The following EMSY variants were observed in gnomAD, a reference collection of about 807,000 sequenced individuals.
EMSY encodes BRCA2-interacting transcriptional repressor EMSY.
In EMSY, 26 loss-of-function variants were observed where a neutral mutation model predicts 134.6. That is an observed-to-expected ratio of 0.19 (90% confidence interval 0.14 to 0.27). EMSY has a LOEUF of 0.27. EMSY is among the 10% of genes least tolerant of loss of function. The probability of loss-of-function intolerance (pLI) is 1.00; values close to 1 mark genes in which losing one functional copy is unlikely to be tolerated. For missense variants in EMSY, 1,305 were observed against 1,611.4 expected, an observed-to-expected ratio of 0.81 and a Z score of 3.26; for synonymous variants, 579 against 577.8, an observed-to-expected ratio of 1.00 and a Z score of -0.03.
chr11:76,507,401 C>T (rs1374366353), intron 9 of EMSY, among the ~76,000 whole-genome samples: 2 of 152,164 alleles, frequency 1.3e-5, no homozygotes, highest in Admixed American at 6.5e-5. Flanking sequence ...CAACATTTTA[C>T]CCACAGTAGA....
chr11:76,461,031 C>T (rs1310275087), intron 6 of EMSY: 2 of 152,184 alleles, frequency 1.3e-5, no homozygotes, highest in Non-Finnish European at 2.9e-5. Context: ...TAATTTGGCT[C>T]ACGATTCTGC....
intron 14 of EMSY, among the ~76,000 whole-genome samples, chr11:76,535,627 G>A (rs779272446): frequency 3.3e-5 from 5 of 152,120 alleles, no homozygotes; most frequent in Admixed American, 1.3e-4. Flanking sequence ...TATTCTGTGA[G>A]CTCCTTTATA....
intron 6 of EMSY, among the ~76,000 whole-genome samples, chr11:76,461,899 C>G (rs1021353987): frequency 2.6e-5 from 4 of 151,096 alleles, no homozygotes; most frequent in African/African-American, 9.8e-5. Context: ...GCCATGCACT[C>G]TAGCCTGGGC....
intron 14 of EMSY, among the ~76,000 whole-genome samples, chr11:76,529,420 C>G (rs934787504): frequency 6.6e-6 from 1 of 152,118 alleles, no homozygotes; most frequent in East Asian, 1.9e-4. Flanking sequence ...CTTGATTAGT[C>G]TTACATGGTT....
chr11:76,545,890 A>T (rs758097127), exon 20 of EMSY: 2 of 1,614,076 alleles, frequency 1.2e-6, no homozygotes, highest in African/African-American at 2.7e-5. Context: ...AACTGGTGGC[A>T]GTTCTGTGCC....
intron 2 of EMSY, 121 bp downstream of exon 2, chr11:76,447,129 C>A: frequency 1.1e-6 from 1 of 874,678 alleles, no homozygotes; most frequent in Non-Finnish European, 1.8e-6. Flanking sequence ...TTTGGAGATA[C>A]AGTTCCCATC....
At chr11:76,527,478 T>C (rs1771599820) in intron 13 of EMSY, among the ~76,000 whole-genome samples, 1 of 152,160 alleles carries the variant, frequency 6.6e-6, no homozygotes, top group Admixed American at 6.6e-5. Flanking sequence ...TTTAGAATCT[T>C]ATATGTGGTA....
intron 8 of EMSY, among the ~76,000 whole-genome samples, chr11:76,489,226 A>G (rs1949314572): frequency 6.6e-6 from 1 of 152,200 alleles, no homozygotes; most frequent in African/African-American, 2.4e-5. Context: ...ATTATTTAAT[A>G]AATGGTTTTA....
At chr11:76,544,238 C>T in intron 18 of EMSY, 21 bp from the exon 20 acceptor site, 1 of 1,578,278 alleles carries the variant, frequency 6.3e-7, no homozygotes, top group East Asian at 2.3e-5. Flanking sequence ...TTCATTCTTA[C>T]TTTGTGCCTT....
At position 76,543,059 on chromosome 11, in the gene EMSY, CT is replaced by C. The variant is rs543501729; in HGVS notation, c.2709+696del. ...TATCCCTCTTTTACAAGTGAGGAAA[CT>C]TTTATGCTCACTTCAGTAAGAAAGT... On this transcript the variant is annotated intron_variant, in intron 18 of 20. Coordinates refer to ENST00000334736, the Ensembl canonical transcript of EMSY. 5.3e-5 allele frequency among the ~76,000 whole-genome samples: 8 copies of C among 152,230 alleles called. No homozygotes were observed. The South Asian group carries it at 1.7e-3, about 32-fold the overall frequency.
At position 76,524,397 on chromosome 11, in the gene EMSY, T is replaced by G. The variant is rs73495408; in HGVS notation, c.1821+1106T>G. Among the ~76,000 whole-genome samples, 758 of 152,306 alleles carry G rather than the reference T, an allele frequency of 5.0e-3. 3 individuals are homozygous for G. The highest frequency in any genetic ancestry group is 0.017 in the African/African-American group (720 of 41,566). ...TTGCCTAACTTCACTAGAACATGGA[T>G]TGCTATACTTCACTTAAATAGATCT... is the stretch of plus-strand genomic sequence containing the variant. On this transcript the variant is annotated intron_variant, in intron 12 of 20. Transcript: ENST00000334736.
chr11:76,496,495 T>TCA lies in EMSY; in HGVS notation c.1363+26_1363+27insCA, dbSNP rs761460444. 1.1e-5 allele frequency: 18 copies of TCA among 1,611,098 alleles called. No homozygotes were observed. The Admixed American group carries it at 3.0e-4, about 27-fold the overall frequency. On this transcript the variant is annotated intron_variant, in intron 9 of 20. Transcript: ENST00000334736. Reference sequence around the variant, plus strand: ...GTAACTGGAAAATGTTTATAAGATATGGTAATTCTTCTTTATTCACCAGTT... The same window carrying TCA: ...GTAACTGGAAAATGTTTATAAGATATCAGGTAATTCTTCTTTATTCACCAGTT...
chr11:76,449,065 T>C (rs1480752888), intron 2 of EMSY, among the ~76,000 whole-genome samples: 4 of 152,188 alleles, frequency 2.6e-5, no homozygotes, highest in Admixed American at 2.0e-4. Flanking sequence ...GCTGATTTAA[T>C]GGACCAAATT....
At chr11:76,513,479 T>C (rs1322949654) in exon 10 of EMSY, 14 of 1,613,620 alleles carry the variant, frequency 8.7e-6, no homozygotes, top group African/African-American at 1.3e-5. Context: ...TCCCCTATTA[T>C]GGTGGTTAGC....
intron 14 of EMSY, among the ~76,000 whole-genome samples, chr11:76,529,131 A>G (rs1205579191): frequency 6.6e-6 from 1 of 152,132 alleles, no homozygotes; most frequent in African/African-American, 2.4e-5. Context: ...TAAACTCATG[A>G]TCATAAACTT....
exon 16 of EMSY, chr11:76,537,864 A>G: frequency 6.2e-7 from 1 of 1,613,670 alleles, no homozygotes; most frequent in Non-Finnish European, 8.5e-7. Context: ...GTGCCTATTC[A>G]GATGACCCAG....
At chr11:76,484,160 A>G (rs1949089406) in intron 8 of EMSY, among the ~76,000 whole-genome samples, 1 of 152,220 alleles carries the variant, frequency 6.6e-6, no homozygotes, top group Non-Finnish European at 1.5e-5. Context: ...CTGGGTAAAT[A>G]ACGAAATTAA....
At chr11:76,524,545 T>G (rs1045292336) in intron 12 of EMSY, among the ~76,000 whole-genome samples, 2 of 151,868 alleles carry the variant, frequency 1.3e-5, no homozygotes, top group East Asian at 3.9e-4. Flanking sequence ...ATTCAGATTT[T>G]CAGAACCCTT....
At chr11:76,529,875 T>C (rs894340571) in intron 14 of EMSY, among the ~76,000 whole-genome samples, 5 of 152,212 alleles carry the variant, frequency 3.3e-5, no homozygotes, top group South Asian at 2.1e-4. Context: ...AATTATCTGC[T>C]GATTACACTT....
Sources: allele counts gnomAD v4.1 joint callset (sites outside exome capture counted in the v4.1 genomes callset), GRCh38; gene constraint gnomAD v4.1.1; transcripts MANE v1.5; gene names NCBI Gene and HGNC (gene_info 2026-07-23, HGNC 2026-07-21).